ERBB4: variants seen among roughly 807,000 people sequenced by gnomAD.
The protein encoded by ERBB4 is erb-b2 receptor tyrosine kinase 4, also known as receptor tyrosine-protein kinase erbB-4.
In ERBB4, 42 loss-of-function variants were observed where a neutral mutation model predicts 158.0. The observed-to-expected ratio is 0.27, with a 90% CI of 0.21 to 0.34. The LOEUF is 0.34. ERBB4 is among the 10% of genes least tolerant of loss of function. ERBB4 has a pLI of 1.00. For missense variants in ERBB4, 1,333 were observed against 1,624.1 expected, an observed-to-expected ratio of 0.82 and a Z score of 3.08; for synonymous variants, 583 against 558.7, an observed-to-expected ratio of 1.04 and a Z score of -0.61.
At chr2:212,402,228 G>A (rs1423131862) in intron 1 of ERBB4, among the ~76,000 whole-genome samples, 2 of 152,048 alleles carry the variant, frequency 1.3e-5, no homozygotes, top group Non-Finnish European at 2.9e-5. Context: ...AACTCCAGAG[G>A]CTTTATGCTG....
intron 3 of ERBB4, among the ~76,000 whole-genome samples, chr2:211,905,742 G>GTATA (rs1309823693): frequency 2.1e-5 from 2 of 95,530 alleles, no homozygotes; most frequent in Non-Finnish European, 5.0e-5. Context: ...GTGCATGTGT[G>GTATA]TGTATATATA....
chr2:212,333,785 A>G (rs1018813304), intron 1 of ERBB4, among the ~76,000 whole-genome samples: 9 of 151,994 alleles, frequency 5.9e-5, no homozygotes, highest in African/African-American at 2.2e-4. Flanking sequence ...TCTGGTCATT[A>G]TGATGAGCTT....
intron 1 of ERBB4, among the ~76,000 whole-genome samples, chr2:212,401,713 G>A (rs912446142): frequency 1.4e-4 from 22 of 151,936 alleles, no homozygotes; most frequent in Admixed American, 2.6e-4. Flanking sequence ...CATGGATTGC[G>A]TTATTATATA....
chr2:211,531,649 A>T (rs1021001454), intron 20 of ERBB4, among the ~76,000 whole-genome samples: 2 of 152,072 alleles, frequency 1.3e-5, no homozygotes, highest in Non-Finnish European at 2.9e-5. Flanking sequence ...TATCCCAAAG[A>T]CAGACAATAA....
At chr2:211,613,321 T>C (rs1255360632) in intron 19 of ERBB4, among the ~76,000 whole-genome samples, 1 of 151,854 alleles carries the variant, frequency 6.6e-6, no homozygotes, top group East Asian at 1.9e-4. Flanking sequence ...TGCAGAGAGA[T>C]GTGAGATAGG....
chr2:212,485,978 A>G (rs75989563), intron 1 of ERBB4, among the ~76,000 whole-genome samples: 10,984 of 151,982 alleles, frequency 0.072, 540 homozygotes, highest in African/African-American at 0.14. Context: ...TTCAACATAT[A>G]TATTGGGGTG....
intron 12 of ERBB4, among the ~76,000 whole-genome samples, chr2:211,698,143 C>A (rs2073092706): frequency 6.6e-6 from 1 of 151,670 alleles, no homozygotes; most frequent in Admixed American, 6.6e-5. Context: ...ATGGAGAAAC[C>A]CCGTCTCTAC....
chr2:212,292,072 G>C (rs2371481), intron 1 of ERBB4, among the ~76,000 whole-genome samples: 7,516 of 151,968 alleles, frequency 0.049, 610 homozygotes, highest in African/African-American at 0.17. Flanking sequence ...AAAAAAGCTA[G>C]TTTTGCTTTT....
intron 1 of ERBB4, among the ~76,000 whole-genome samples, chr2:212,240,160 G>T (rs968002835): frequency 4.6e-5 from 7 of 152,064 alleles, no homozygotes; most frequent in African/African-American, 1.4e-4. Context: ...TAAATAAAAA[G>T]ACCATGAATG....
At chr2:212,528,231 A>G (rs1678248296) in intron 1 of ERBB4, among the ~76,000 whole-genome samples, 1 of 152,096 alleles carries the variant, frequency 6.6e-6, no homozygotes, top group South Asian at 2.1e-4. Context: ...TTTCTTGCAC[A>G]GTGGGCAGGT....
chr2:212,189,481 C>T (rs181992245), intron 1 of ERBB4, among the ~76,000 whole-genome samples: 1 of 152,232 alleles, frequency 6.6e-6, no homozygotes, highest in Admixed American at 6.5e-5. Context: ...AACTCTGATC[C>T]ACCTTCAAAT....
At chr2:211,632,499 T>C (rs2070181479) in intron 16 of ERBB4, among the ~76,000 whole-genome samples, 1 of 152,092 alleles carries the variant, frequency 6.6e-6, no homozygotes. Flanking sequence ...GACCAAACTC[T>C]AAACTTTCTC....
intron 2 of ERBB4, among the ~76,000 whole-genome samples, chr2:212,060,906 A>T (rs571476842): frequency 1.3e-5 from 2 of 151,502 alleles, no homozygotes; most frequent in East Asian, 4.0e-4. Flanking sequence ...GCCTGTATAC[A>T]TATGTAACAA....
intron 2 of ERBB4, among the ~76,000 whole-genome samples, chr2:212,076,250 T>C (rs2078270503): frequency 6.6e-6 from 1 of 151,884 alleles, no homozygotes. Flanking sequence ...TATTTCGGAC[T>C]TTAATTACTT....
At chr2:212,105,468 A>T (rs891217285) in intron 2 of ERBB4, among the ~76,000 whole-genome samples, 1 of 152,210 alleles carries the variant, frequency 6.6e-6, no homozygotes, top group African/African-American at 2.4e-5. Context: ...GAAACAAAGA[A>T]TTCCTAAGGC....
intron 1 of ERBB4, among the ~76,000 whole-genome samples, chr2:212,198,286 G>A (rs2082490310): frequency 1.3e-5 from 2 of 152,014 alleles, no homozygotes; most frequent in Admixed American, 6.6e-5. Flanking sequence ...TCAAGTTATT[G>A]CACAATGATA....
chr2:211,643,430 A>G (rs2070674065), intron 16 of ERBB4, among the ~76,000 whole-genome samples: 1 of 152,246 alleles, frequency 6.6e-6, no homozygotes, highest in East Asian at 1.9e-4. Context: ...ACTGTTATGA[A>G]ATAGAATAAC....
chr2:211,911,686 G>A (rs2125056084), intron 3 of ERBB4, among the ~76,000 whole-genome samples: 4 of 152,230 alleles, frequency 2.6e-5, no homozygotes, highest in Middle Eastern at 3.4e-3. Flanking sequence ...GGAGAAAATG[G>A]ACCTAAATAT....
intron 25 of ERBB4, among the ~76,000 whole-genome samples, chr2:211,417,120 C>A (rs545314050): frequency 2.0e-5 from 3 of 152,214 alleles, no homozygotes; most frequent in South Asian, 4.1e-4. Context: ...AATAGCTTCT[C>A]ATTTTCTCCT....
Sources: allele counts gnomAD v4.1 joint callset (sites outside exome capture counted in the v4.1 genomes callset), GRCh38; gene constraint gnomAD v4.1.1; transcripts MANE v1.5; gene names NCBI Gene and HGNC (gene_info 2026-07-23, HGNC 2026-07-21).